Variants in IL17F observed in about 807,000 individuals in gnomAD.
The protein encoded by IL17F is interleukin 17F.
In IL17F, 6 loss-of-function variants were observed where a neutral mutation model predicts 8.3. The observed-to-expected ratio is 0.73, with a 90% CI of 0.40 to 1.43. The LOEUF (loss-of-function observed/expected upper bound fraction) is 1.43. Ranked by LOEUF, IL17F falls within the 40% of genes most tolerant of loss-of-function variation. The pLI, the probability that IL17F is intolerant of heterozygous loss-of-function variation, is 0.02. For synonymous variants in IL17F, 98 were observed against 81.6 expected (o/e 1.20, Z -1.08); for missense variants, 204 against 209.6 (o/e 0.97, Z 0.17).
Position 52,238,856 on chromosome 6 carries a change from T to C in IL17F, c.128A>G (p.Lys43Arg). Reference protein sequence around the residue: ...IPKVGHTFFQKPESCPPVPGG... With the variant: ...IPKVGHTFFQRPESCPPVPGG... ...TGGCACAGGCGGGCAACTCTCAGGC[T>C]TTTGGAAAAAAGTATGTCCTACTTT... Residue 43 changes from lysine (K) to arginine (R), a missense_variant, in exon 2 of 3, where the codon AAG becomes AGG. Transcript: ENST00000336123. 6.2e-7 allele frequency: 1 copy of C among 1,614,044 alleles called. No homozygotes were observed. The highest frequency in any genetic ancestry group is 8.5e-7 in the Non-Finnish European group (1 of 1,179,916).
Position 52,239,047 on chromosome 6 carries a change from T to C in IL17F, c.34-97A>G, listed in dbSNP as rs1311381866. The C allele has an allele frequency of 1.0e-5, 11 of 1,078,052 alleles. No homozygotes were observed. In the East Asian group the frequency reaches 1.7e-4, roughly 16 times the overall value. The allele number at this position is 1,078,052 out of a possible 1,614,324, so 66.8% of individuals were successfully genotyped here. On this transcript the variant is annotated intron_variant, in intron 1 of 2. Transcript: ENST00000336123. ...GGAACTCAGCATTCCTGTCCTTTTA[T>C]GGGATCAGGGCTTCTCTTTGCACCT...
chr6:52,239,270 C>T (rs1046009136), intron 1 of IL17F: 6 of 356,396 alleles, frequency 1.7e-5, no homozygotes, highest in African/African-American at 8.3e-5. Flanking sequence ...TCTAGTTTCT[C>T]TTCCTTCCAA....
chr6:52,238,115 G>C (rs1764002069), intron 2 of IL17F, among the ~76,000 whole-genome samples: 1 of 152,214 alleles, frequency 6.6e-6, no homozygotes, highest in South Asian at 2.1e-4. Context: ...ACCGTCCCAA[G>C]GTTTTCTCAT....
At chr6:52,240,489 G>A (rs968942968) in intron 1 of IL17F, among the ~76,000 whole-genome samples, 5 of 150,380 alleles carry the variant, frequency 3.3e-5, no homozygotes, top group African/African-American at 1.2e-4. Context: ...TTATTCTCTA[G>A]GCTTAGCGTT....
chr6:52,237,267 G>C (rs1468544314), intron 2 of IL17F, 99 bp from the exon 3 acceptor site: 6 of 877,662 alleles, frequency 6.8e-6, no homozygotes, highest in Non-Finnish European at 1.1e-5. Context: ...CAGGGAGGCA[G>C]TTCTGCAGGG....
chr6:52,240,297 C>CGTG (rs1356665193), intron 1 of IL17F, among the ~76,000 whole-genome samples: 1 of 151,918 alleles, frequency 6.6e-6, no homozygotes, highest in Non-Finnish European at 1.5e-5. Context: ...ATTAGCCAGG[C>CGTG]GTGGTGGTGC....
rs138554293 is a variant in IL17F, at chr6:52,238,976, A to T, written c.34-26T>A. 84 of 1,596,784 alleles carry T rather than the reference A, an allele frequency of 5.3e-5. 1 individual carries two copies. In the Admixed American group the frequency reaches 1.4e-3, roughly 27 times the overall value. On this transcript the variant is annotated intron_variant, in intron 1 of 2. Coordinates refer to ENST00000336123, the MANE Select transcript of IL17F (RefSeq NM_052872.4). ...CTGGAAAATAGAAGACGCTGCAATCAGTTAGAGACTCGCCTCACCTACTAG... is the reference window on the plus strand; with the variant it reads ...CTGGAAAATAGAAGACGCTGCAATCTGTTAGAGACTCGCCTCACCTACTAG...
At position 52,236,833 on chromosome 6, in the gene IL17F, G is replaced by A; in HGVS notation, c.*98C>T. 1.1e-6 allele frequency: 1 copy of A among 906,598 alleles called. No individual in the cohort carries two copies. The highest frequency in any genetic ancestry group is 2.4e-5 in the East Asian group (1 of 41,742). The allele number at this position is 906,598 out of a possible 1,614,324, so 56.2% of individuals were successfully genotyped here. A position where few individuals can be genotyped will look rare whatever the true frequency, so the allele number is the denominator to read the frequency against. On this transcript the variant is annotated 3_prime_UTR_variant, in exon 3 of 3. Transcript: ENST00000336123. ...GTGCAGGTCTTATTAAGAGTCCTGT[G>A]AAGTGGAGGGAATTGGGGGTCAGAC... is the stretch of plus-strand genomic sequence containing the variant.
intron 1 of IL17F, among the ~76,000 whole-genome samples, chr6:52,240,914 G>A (rs1764063532): frequency 6.6e-6 from 1 of 151,716 alleles, no homozygotes; most frequent in African/African-American, 2.4e-5. Flanking sequence ...AAGATTAAAT[G>A]AGATGATCCA....
intron 1 of IL17F, among the ~76,000 whole-genome samples, chr6:52,243,158 A>G (rs1422737518): frequency 1.3e-5 from 2 of 152,162 alleles, no homozygotes; most frequent in Non-Finnish European, 2.9e-5. Flanking sequence ...AATAAAACAT[A>G]CCATTGCTAT....
chr6:52,244,610 G>A, upstream of IL17F: 1 of 519,762 alleles, frequency 1.9e-6, no homozygotes, highest in South Asian at 2.5e-5. Flanking sequence ...GAATGCAGGG[G>A]TTTTTTTTTT....
intron 1 of IL17F, among the ~76,000 whole-genome samples, chr6:52,240,900 T>A (rs1441544322): frequency 9.1e-5 from 13 of 142,960 alleles, no homozygotes; most frequent in African/African-American, 1.1e-4. Flanking sequence ...AAAAAAAAAA[T>A]GTGAAGATTA....
chr6:52,241,054 A>T (rs1182926373), intron 1 of IL17F, among the ~76,000 whole-genome samples: 1 of 146,282 alleles, frequency 6.8e-6, no homozygotes, highest in African/African-American at 2.5e-5. Context: ...TGTCTTGACA[A>T]ACTGCTATGG....
At chr6:52,241,036 A>T (rs1764065688) in intron 1 of IL17F, among the ~76,000 whole-genome samples, 1 of 152,062 alleles carries the variant, frequency 6.6e-6, no homozygotes, top group Non-Finnish European at 1.5e-5. Flanking sequence ...ATTTACACTC[A>T]TATACCTTGT....
intron 1 of IL17F, among the ~76,000 whole-genome samples, chr6:52,240,792 C>T (rs1461954968): frequency 6.6e-6 from 1 of 151,638 alleles, no homozygotes; most frequent in African/African-American, 2.4e-5. Context: ...CTTGACTTTA[C>T]AGTGTGGTAG....
At chr6:52,239,325 T>C (rs1011366351) in intron 1 of IL17F, among the ~76,000 whole-genome samples, 1 of 152,202 alleles carries the variant, frequency 6.6e-6, no homozygotes, top group African/African-American at 2.4e-5. Flanking sequence ...TGAGATTAAA[T>C]AGAATGTTCT....
chr6:52,243,979 A>G (rs2294835), intron 1 of IL17F, among the ~76,000 whole-genome samples: 93,640 of 151,886 alleles, frequency 0.62, 29,046 homozygotes, highest in Middle Eastern at 0.69. Flanking sequence ...GGCTGGTCTC[A>G]AACCCCTGAC....
At chr6:52,242,238 G>T (rs886695283) in intron 1 of IL17F, among the ~76,000 whole-genome samples, 1 of 152,172 alleles carries the variant, frequency 6.6e-6, no homozygotes, top group African/African-American at 2.4e-5. Flanking sequence ...CCAGGTGAAG[G>T]TGAGCTGTAA....
In IL17F at chr6:52,244,255, G is replaced by C. The variant is rs939926827; in HGVS notation, c.33+142C>G. On this transcript the variant is annotated intron_variant, in intron 1 of 2. Coordinates refer to ENST00000336123, the MANE Select transcript of IL17F (RefSeq NM_052872.4). ...GTTATTTTTTTCTTTTTCTCCACCA[G>C]ACAGGAGTCAAAATTAAAGTCATCT... The C allele has an allele frequency of 9.4e-6, 8 of 847,418 alleles. No homozygotes were observed. In the African/African-American group the frequency reaches 1.0e-4, roughly 11 times the overall value. The allele number at this position is 847,418 out of a possible 1,614,324, so 52.5% of individuals were successfully genotyped here.
Sources: allele counts gnomAD v4.1 joint callset (sites outside exome capture counted in the v4.1 genomes callset), GRCh38; gene constraint gnomAD v4.1.1; transcripts MANE v1.5; gene names NCBI Gene and HGNC (gene_info 2026-07-23, HGNC 2026-07-21).